The following NLRP12 variants were observed in gnomAD, a reference collection of about 807,000 sequenced individuals.
The protein encoded by NLRP12 is NLR family pyrin domain containing 12.
In NLRP12, 108 loss-of-function variants were observed where a neutral mutation model predicts 91.2. The observed-to-expected ratio is 1.18, with a 90% confidence interval of 1.01 to 1.39. NLRP12 has a LOEUF of 1.39. Ranked by LOEUF, NLRP12 falls within the 40% of genes most tolerant of loss-of-function variation. The pLI, the probability that NLRP12 is intolerant of heterozygous loss-of-function variation, is 0.00. For synonymous variants in NLRP12, 613 were observed against 566.7 expected, an observed-to-expected ratio of 1.08 and a Z score of -1.16; for missense variants, 1,530 against 1,352.7, an observed-to-expected ratio of 1.13 and a Z score of -2.06.
chr19:53,804,910 A>G (rs764713818), intron 5 of NLRP12, among the ~76,000 whole-genome samples: 18 of 152,042 alleles, frequency 1.2e-4, no homozygotes, highest in Non-Finnish European at 2.2e-4. Context: ...GGTGCCTGTA[A>G]TCCCAGCTAC....
At chr19:53,794,566 C>T (rs1437627705) in intron 9 of NLRP12, among the ~76,000 whole-genome samples, 1 of 150,974 alleles carries the variant, frequency 6.6e-6, no homozygotes, top group Non-Finnish European at 1.5e-5. Context: ...GTGATCCGCC[C>T]ACCTCGGCCT....
At chr19:53,804,762 TCA>T (rs2091930859) in intron 5 of NLRP12, among the ~76,000 whole-genome samples, 1 of 150,330 alleles carries the variant, frequency 6.7e-6, no homozygotes, top group African/African-American at 2.4e-5. Flanking sequence ...GTGCAGTGGC[TCA>T]CACCTGTAAT....
At chr19:53,823,750 A>T in intron 1 of NLRP12, 136 bp downstream of exon 1, 1 of 982,546 alleles carries the variant, frequency 1.0e-6, no homozygotes, top group Non-Finnish European at 1.6e-6. Flanking sequence ...GAGCCTCACT[A>T]TGTTGTCCAG....
chr19:53,799,875 G>C (rs909417482), intron 7 of NLRP12, among the ~76,000 whole-genome samples: 3 of 151,850 alleles, frequency 2.0e-5, no homozygotes, highest in African/African-American at 7.2e-5. Flanking sequence ...GATTAGAAAG[G>C]GTGTCCAGCT....
intron 1 of NLRP12, among the ~76,000 whole-genome samples, chr19:53,816,268 G>A (rs1052838898): frequency 6.6e-6 from 1 of 152,038 alleles, no homozygotes; most frequent in Admixed American, 6.6e-5. Context: ...ACTCTGATAA[G>A]TTTTCACCTC....
intron 3 of NLRP12, 71 bp downstream of exon 3, chr19:53,809,516 G>GC: frequency 1.7e-6 from 1 of 577,432 alleles, no homozygotes. Context: ...AGGCAACAGA[G>GC]CAAAAAAAAA....
intron 6 of NLRP12, among the ~76,000 whole-genome samples, chr19:53,802,504 G>C (rs867333784): frequency 2.0e-5 from 3 of 151,980 alleles, no homozygotes; most frequent in Middle Eastern, 3.4e-3. Context: ...TCAGGAGATC[G>C]AGACCATCCT....
At chr19:53,812,270 G>C (rs540517743) in intron 2 of NLRP12, among the ~76,000 whole-genome samples, 1 of 151,812 alleles carries the variant, frequency 6.6e-6, no homozygotes, top group African/African-American at 2.4e-5. Context: ...ATGCCTGGCT[G>C]TGCTTCTCCA....
intron 1 of NLRP12, among the ~76,000 whole-genome samples, chr19:53,815,225 CTTTTTTTTTTT>C (rs59179749): frequency 1.0e-5 from 1 of 96,996 alleles, no homozygotes; most frequent in African/African-American, 4.5e-5. Context: ...TCCAATCAGT[CTTTTTTTTTTT>C]TTTTTTTTTT....
intron 9 of NLRP12, among the ~76,000 whole-genome samples, 159 bp from the exon 10 acceptor site, chr19:53,794,295 G>T (rs1761562840): frequency 6.6e-6 from 1 of 151,810 alleles, no homozygotes; most frequent in Non-Finnish European, 1.5e-5. Context: ...CATGCTACAT[G>T]CAAGTCCCCA....
chr19:53,819,453 ATATATGTGTGTG>A (rs1444968606), intron 1 of NLRP12, among the ~76,000 whole-genome samples: 1 of 7,630 alleles, frequency 1.3e-4, no homozygotes, highest in South Asian at 3.1e-3. Flanking sequence ...ATATATATAT[ATATATGTGTGTG>A]TGTGTGTGTG....
chr19:53,814,770 G>C (rs1472592867), intron 2 of NLRP12, 138 bp downstream of exon 2: 1 of 750,118 alleles, frequency 1.3e-6, no homozygotes. Context: ...TTGAAACACA[G>C]GAGGAAACTG....
chr19:53,802,598 T>G lies in NLRP12; in HGVS notation c.2586-1201A>C, dbSNP rs533925177. Reference sequence around the variant, plus strand: ...GGCAGGCGCCTGTAGTCCCAGCTACTAGGGAGGTCGAGGCAGGAGAATGGT... The same window carrying G: ...GGCAGGCGCCTGTAGTCCCAGCTACGAGGGAGGTCGAGGCAGGAGAATGGT... On this transcript the variant is annotated intron_variant, in intron 6 of 9. Transcript: ENST00000324134. 2.2e-4 allele frequency among the ~76,000 whole-genome samples: 33 copies of G among 151,242 alleles called. 1 individual carries two copies. The East Asian group carries it at 6.3e-3, about 29-fold the overall frequency.
intron 1 of NLRP12, among the ~76,000 whole-genome samples, chr19:53,818,648 G>A (rs141223335): frequency 6.6e-6 from 1 of 152,086 alleles, no homozygotes; most frequent in Non-Finnish European, 1.5e-5. Context: ...CTGGGTGACA[G>A]AGTGAGACTC....
intron 8 of NLRP12, among the ~76,000 whole-genome samples, chr19:53,797,669 G>A (rs753696599): frequency 2.6e-5 from 4 of 151,994 alleles, no homozygotes; most frequent in Non-Finnish European, 2.9e-5. Context: ...CACCCGCCTC[G>A]GCCTCCCAAA....
intron 1 of NLRP12, among the ~76,000 whole-genome samples, chr19:53,821,423 C>T (rs564895284): frequency 2.0e-5 from 3 of 151,948 alleles, no homozygotes; most frequent in Non-Finnish European, 4.4e-5. Flanking sequence ...AATCACAGCA[C>T]TTTGGGAGGC....
chr19:53,804,236 A>AG, intron 5 of NLRP12, 114 bp from the exon 6 acceptor site: 1 of 1,222,646 alleles, frequency 8.2e-7, no homozygotes, highest in Non-Finnish European at 1.2e-6. Flanking sequence ...TCTGTCACCC[A>AG]GGGTGAAGTT....
intron 8 of NLRP12, 56 bp downstream of exon 8, chr19:53,798,187 G>A (rs2122530178): frequency 1.9e-6 from 3 of 1,568,720 alleles, no homozygotes; most frequent in East Asian, 4.5e-5. Context: ...AGGATGAGAA[G>A]GCGCTTCCAC....
chr19:53,808,430 T>C (rs1214495741), intron 3 of NLRP12: 1 of 153,658 alleles, frequency 6.5e-6, no homozygotes, highest in Non-Finnish European at 1.4e-5. Context: ...GGTCCACCGA[T>C]AAAAGGGATA....
Sources: gnomAD v4.1 joint callset for allele counts (sites outside exome capture counted in the v4.1 genomes callset) on GRCh38, gnomAD v4.1.1 for gene constraint, MANE v1.5 for transcripts, NCBI Gene and HGNC (gene_info 2026-07-23, HGNC 2026-07-21) for gene names.